Variants in SLC8A1 observed in about 807,000 individuals in gnomAD.
The protein encoded by SLC8A1 is solute carrier family 8 member A1.
SLC8A1 carries 18 observed loss-of-function variants against 68.3 expected under a neutral mutation model. That is an observed-to-expected ratio of 0.26 (90% CI 0.18 to 0.39). SLC8A1 has a LOEUF of 0.39. SLC8A1 is among the 10% of genes least tolerant of loss of function. SLC8A1 has a pLI of 1.00. For missense variants in SLC8A1, 985 were observed against 1,156.7 expected (o/e 0.85, Z 2.15); for synonymous variants, 475 against 415.5 (o/e 1.14, Z -1.74).
exon 2 of SLC8A1, chr2:40,429,458 T>C: frequency 6.2e-7 from 1 of 1,613,882 alleles, no homozygotes; most frequent in African/African-American, 1.3e-5. Flanking sequence ...TGTTCAATAA[T>C]CATCCCCCTC....
chr2:40,374,495 T>TA (rs1230338490), intron 2 of SLC8A1, among the ~76,000 whole-genome samples: 1 of 152,106 alleles, frequency 6.6e-6, no homozygotes, highest in Non-Finnish European at 1.5e-5. Context: ...TTTGGAATTA[T>TA]AAACTGTACA....
At chr2:40,419,148 G>A (rs1694761874) in intron 2 of SLC8A1, among the ~76,000 whole-genome samples, 1 of 152,218 alleles carries the variant, frequency 6.6e-6, no homozygotes, top group South Asian at 2.1e-4. Flanking sequence ...TCTTGCAAGG[G>A]GCTTGGCATG....
rs1399660113 is a variant in SLC8A1 at position 40,348,920 on chromosome 2, T to C, written c.1808+79553A>G. Among the ~76,000 whole-genome samples the C allele has an allele frequency of 3.9e-5, 6 of 152,124 alleles. No homozygotes were observed. The South Asian group carries it at 1.0e-3, about 26-fold the overall frequency. Reference sequence around the variant, plus strand: ...CACTTTGACCTAATGAAGAGAAAAATGACTCAGAATAAATGAATCTTCCCA... The same window carrying C: ...CACTTTGACCTAATGAAGAGAAAAACGACTCAGAATAAATGAATCTTCCCA... On this transcript the variant is annotated intron_variant, in intron 2 of 7. Coordinates refer to ENST00000406785, the Ensembl canonical transcript of SLC8A1.
chr2:40,321,353 G>A (rs1000743836), intron 2 of SLC8A1, among the ~76,000 whole-genome samples: 2 of 151,900 alleles, frequency 1.3e-5, no homozygotes, highest in African/African-American at 2.4e-5. Flanking sequence ...TTCTAACTGG[G>A]ATTATATTTT....
At chr2:40,390,044 TATA>T (rs1684800203) in intron 2 of SLC8A1, among the ~76,000 whole-genome samples, 1 of 152,026 alleles carries the variant, frequency 6.6e-6, no homozygotes, top group African/African-American at 2.4e-5. Flanking sequence ...CTAATGGCTG[TATA>T]ATATTCCATA....
chr2:40,419,711 T>C (rs569248275), intron 2 of SLC8A1, among the ~76,000 whole-genome samples: 1 of 152,322 alleles, frequency 6.6e-6, no homozygotes, highest in East Asian at 1.9e-4. Context: ...TTAGGATTTT[T>C]CTTTTTCTTT....
intron 2 of SLC8A1, among the ~76,000 whole-genome samples, chr2:40,262,155 G>T (rs1385764494): frequency 6.6e-6 from 1 of 152,042 alleles, no homozygotes; most frequent in Admixed American, 6.5e-5. Flanking sequence ...TAGAGACGGG[G>T]TTTCACCATG....
At chr2:40,489,016 C>G (rs1356574187) in intron 1 of SLC8A1, among the ~76,000 whole-genome samples, 1 of 152,114 alleles carries the variant, frequency 6.6e-6, no homozygotes, top group Non-Finnish European at 1.5e-5. Flanking sequence ...CAATCATACT[C>G]TAACGATAAG....
At chr2:40,125,568 T>C (rs1007446244) in intron 7 of SLC8A1, among the ~76,000 whole-genome samples, 1 of 152,224 alleles carries the variant, frequency 6.6e-6, no homozygotes, top group Non-Finnish European at 1.5e-5. Context: ...AAATACCTTC[T>C]ATTTTATTTA....
At chr2:40,307,606 C>T (rs879817785) in intron 2 of SLC8A1, among the ~76,000 whole-genome samples, 1 of 152,070 alleles carries the variant, frequency 6.6e-6, no homozygotes, top group Non-Finnish European at 1.5e-5. Context: ...AATAACATCC[C>T]ATTTTGGTTT....
At chr2:40,463,197 G>A (rs1239161668) in intron 1 of SLC8A1, among the ~76,000 whole-genome samples, 2 of 152,102 alleles carry the variant, frequency 1.3e-5, no homozygotes, top group African/African-American at 2.4e-5. Flanking sequence ...ATAAGCATTG[G>A]CTAGGAAAGG....
At chr2:40,438,343 T>C (rs1313557001) in intron 1 of SLC8A1, among the ~76,000 whole-genome samples, 1 of 152,180 alleles carries the variant, frequency 6.6e-6, no homozygotes, top group Non-Finnish European at 1.5e-5. Context: ...CCTAAAAATA[T>C]TTCCCCAATA....
intron 2 of SLC8A1, among the ~76,000 whole-genome samples, chr2:40,196,595 C>T (rs1296221483): frequency 6.6e-6 from 1 of 151,924 alleles, no homozygotes; most frequent in Non-Finnish European, 1.5e-5. Flanking sequence ...GAAAAGCTCC[C>T]CTAATATATC....
intron 2 of SLC8A1, among the ~76,000 whole-genome samples, chr2:40,407,987 C>G (rs1174492751): frequency 6.6e-6 from 1 of 152,166 alleles, no homozygotes; most frequent in Non-Finnish European, 1.5e-5. Context: ...ACACATATAA[C>G]CGTGTTAGGC....
At chr2:40,372,152 C>G (rs971504163) in intron 2 of SLC8A1, among the ~76,000 whole-genome samples, 2 of 152,096 alleles carry the variant, frequency 1.3e-5, no homozygotes, top group African/African-American at 4.8e-5. Flanking sequence ...TCACATTCAA[C>G]CCTAGACTTT....
chr2:40,119,462 C>G (rs887225998), intron 7 of SLC8A1, among the ~76,000 whole-genome samples: 13 of 152,216 alleles, frequency 8.5e-5, no homozygotes, highest in African/African-American at 3.1e-4. Flanking sequence ...TGCCGCTTTG[C>G]TGCTCAGCAC....
intron 1 of SLC8A1, among the ~76,000 whole-genome samples, chr2:40,433,337 T>C (rs1698748229): frequency 6.6e-6 from 1 of 152,196 alleles, no homozygotes; most frequent in Non-Finnish European, 1.5e-5. Flanking sequence ...TTGCAGATTA[T>C]TCTGTGTCCA....
At chr2:40,251,069 C>G (rs1007637868) in intron 2 of SLC8A1, 2 of 152,026 alleles carry the variant, frequency 1.3e-5, no homozygotes, top group African/African-American at 4.8e-5. Flanking sequence ...TCAGTAATTA[C>G]TTTGAAGAAT....
intron 1 of SLC8A1, among the ~76,000 whole-genome samples, chr2:40,473,504 C>CT (rs1474954870): frequency 2.0e-5 from 3 of 152,150 alleles, no homozygotes; most frequent in Non-Finnish European, 2.9e-5. Context: ...TATTAATCTG[C>CT]TTTTTCCCCA....
Sources: allele counts gnomAD v4.1 joint callset (sites outside exome capture counted in the v4.1 genomes callset), GRCh38; gene constraint gnomAD v4.1.1; transcripts MANE v1.5; gene names NCBI Gene and HGNC (gene_info 2026-07-23, HGNC 2026-07-21).